The following GRAMD1B variants were observed in gnomAD, a reference collection of about 807,000 sequenced individuals.
GRAMD1B encodes GRAM domain containing 1B, also known as protein Aster-B.
A neutral mutation model predicts 99.7 loss-of-function variants in GRAMD1B; 37 were observed. That is an observed-to-expected ratio of 0.37 (90% CI 0.29 to 0.49). GRAMD1B has a LOEUF of 0.49. Among genes scored for constraint, GRAMD1B ranks in the 20% least tolerant of loss-of-function variants. The pLI is 0.98. For synonymous variants in GRAMD1B, 427 were observed against 387.6 expected, an observed-to-expected ratio of 1.10 and a Z score of -1.19; for missense variants, 888 against 1,009.2, an observed-to-expected ratio of 0.88 and a Z score of 1.63.
chr11:123,577,537 G>T lies in GRAMD1B; in HGVS notation c.623G>T (p.Cys208Phe). 1 of 1,597,528 alleles carries T rather than the reference G, an allele frequency of 6.3e-7. No individual in the cohort carries two copies. Among genetic ancestry groups the T allele is most frequent in the Non-Finnish European group, 8.5e-7 (1 of 1,172,548 alleles). Residue 208 changes from cysteine to phenylalanine, a missense_variant, in exon 3 of 20, where the codon TGC becomes TTC. This residue lies in a region of GRAMD1B where 233 missense variants were observed against 154.6 expected (regional missense o/e 1.51). Transcript: ENST00000635736. The part of the protein sequence containing the change: ...STPEQGVQRS[C>F]SSQSGRSGGK... ...CCGGAGCAGGGCGTGCAGCGCAGCT[G>T]CTCCTCCCAGTCCGGCCGGAGCGGC...
intron 1 of GRAMD1B, among the ~76,000 whole-genome samples, chr11:123,469,051 C>T (rs12787189): frequency 0.11 from 16,023 of 151,720 alleles, 906 homozygotes; most frequent in Non-Finnish European, 0.12. Flanking sequence ...CTCAGGCAGT[C>T]CAAAGCTGGG....
Position 123,488,957 on chromosome 11 carries a change from G to A in GRAMD1B, c.452+8064G>A, listed in dbSNP as rs114697285. Among the ~76,000 whole-genome samples the A allele has an allele frequency of 2.0e-4, 30 of 152,070 alleles. No homozygotes were observed. The Middle Eastern group carries it at 0.01, about 52-fold the overall frequency. On this transcript the variant is annotated intron_variant, in intron 2 of 19. Coordinates refer to ENST00000635736, the MANE Select transcript of GRAMD1B (RefSeq NM_001387025.1). ...GGGGGGGCGGTCCTTACCTCTCTGC[G>A]TACCCCCTTAAGGTTGACCCCTTAG...
intron 1 of GRAMD1B, among the ~76,000 whole-genome samples, chr11:123,474,130 A>C (rs554322891): frequency 6.6e-6 from 1 of 152,314 alleles, no homozygotes; most frequent in South Asian, 2.1e-4. Context: ...CACTAACTGA[A>C]TACTCAGTGT....
chr11:123,514,715 G>C (rs1364321912), intron 2 of GRAMD1B, among the ~76,000 whole-genome samples: 1 of 152,208 alleles, frequency 6.6e-6, no homozygotes, highest in Non-Finnish European at 1.5e-5. Flanking sequence ...CATAGACACT[G>C]CGAACAGCTG....
intron 2 of GRAMD1B, among the ~76,000 whole-genome samples, chr11:123,565,563 A>T (rs1195692978): frequency 6.6e-6 from 1 of 152,242 alleles, no homozygotes; most frequent in Non-Finnish European, 1.5e-5. Context: ...GTTTGGACAG[A>T]TAATGATCGC....
At chr11:123,622,403 G>A (rs1288935455) in intron 19 of GRAMD1B, 103 bp from the exon 20 acceptor site, 2 of 704,860 alleles carry the variant, frequency 2.8e-6, no homozygotes, top group Middle Eastern at 2.4e-4. Context: ...CCCATGGCGT[G>A]GTTGGAGGCC....
At chr11:123,598,589 G>T in intron 7 of GRAMD1B, 1 of 1,542,502 alleles carries the variant, frequency 6.5e-7, no homozygotes, top group Non-Finnish European at 8.9e-7. Context: ...ACTTTCCTTT[G>T]GTGCTGAATA....
chr11:123,579,308 A>G (rs1330903696), intron 3 of GRAMD1B, among the ~76,000 whole-genome samples: 1 of 152,212 alleles, frequency 6.6e-6, no homozygotes. Flanking sequence ...AATAGTCCCA[A>G]GTCTCTCCGT....
chr11:123,578,297 TG>T (rs1948956812), intron 3 of GRAMD1B: 1 of 872,308 alleles, frequency 1.1e-6, no homozygotes, highest in Non-Finnish European at 1.8e-6. Flanking sequence ...TGGGGACCCC[TG>T]GGAGGCATGG....
chr11:123,547,757 C>T (rs1206856843), intron 2 of GRAMD1B, among the ~76,000 whole-genome samples: 4 of 152,172 alleles, frequency 2.6e-5, no homozygotes, highest in Non-Finnish European at 5.9e-5. Flanking sequence ...GAACAATAGG[C>T]CTTGCCGAGT....
rs1948524961 is a variant in GRAMD1B, at chr11:123,423,335, C to G, written c.-175-57481C>G. Reference sequence around the variant, plus strand: ...CTCTCCTCTCCTTTCTTCTCCCCTCCACTCCCCTCCTCTCTCCTCTTCTCT... The same window carrying G: ...CTCTCCTCTCCTTTCTTCTCCCCTCGACTCCCCTCCTCTCTCCTCTTCTCT... On this transcript the variant is annotated intron_variant, in intron 1 of 20. Transcript: ENST00000638157. 2.6e-5 allele frequency among the ~76,000 whole-genome samples: 4 copies of G among 151,944 alleles called. No individual in the cohort carries two copies. In the South Asian group the frequency reaches 8.3e-4, roughly 32 times the overall value.
intron 2 of GRAMD1B, among the ~76,000 whole-genome samples, chr11:123,490,905 G>T (rs2135018451): frequency 6.6e-6 from 1 of 152,318 alleles, no homozygotes; most frequent in Middle Eastern, 3.4e-3. Context: ...GCGGCAGCAG[G>T]ATCTGTTTTC....
At chr11:123,532,937 A>C (rs142829846) in intron 2 of GRAMD1B, among the ~76,000 whole-genome samples, 2 of 152,314 alleles carry the variant, frequency 1.3e-5, no homozygotes, top group African/African-American at 4.8e-5. Context: ...CCTCTAGTTT[A>C]AGCAAATAGA....
At chr11:123,614,628 A>T (rs1270094314) in intron 16 of GRAMD1B, 117 bp from the exon 17 acceptor site, 1 of 608,186 alleles carries the variant, frequency 1.6e-6, no homozygotes, top group African/African-American at 1.8e-5. Flanking sequence ...TTGCTGTCAC[A>T]GTGTCATGGA....
chr11:123,468,299 A>G (rs1398602969), intron 1 of GRAMD1B, among the ~76,000 whole-genome samples: 1 of 150,720 alleles, frequency 6.6e-6, no homozygotes, highest in African/African-American at 2.5e-5. Context: ...GACTTTTACA[A>G]ATACATCAAG....
intron 7 of GRAMD1B, among the ~76,000 whole-genome samples, chr11:123,596,844 T>C (rs1226121318): frequency 6.6e-6 from 1 of 152,220 alleles, no homozygotes; most frequent in African/African-American, 2.4e-5. Flanking sequence ...ACTGTGCTTA[T>C]AAGGCAGATC....
intron 1 of GRAMD1B, among the ~76,000 whole-genome samples, chr11:123,374,091 T>C (rs7949966): frequency 0.15 from 22,917 of 152,194 alleles, 3,208 homozygotes; most frequent in African/African-American, 0.37. Context: ...GTTTGATTAT[T>C]TTCCTGGTCT....
chr11:123,569,059 C>T (rs558395839), intron 2 of GRAMD1B, among the ~76,000 whole-genome samples: 3 of 152,254 alleles, frequency 2.0e-5, no homozygotes, highest in Non-Finnish European at 2.9e-5. Flanking sequence ...TGAGTCTGAG[C>T]TGTGAAGGGG....
At chr11:123,586,699 C>T (rs1037024525) in intron 4 of GRAMD1B, among the ~76,000 whole-genome samples, 8 of 152,230 alleles carry the variant, frequency 5.3e-5, no homozygotes, top group African/African-American at 1.9e-4. Flanking sequence ...GGCCCTTGCC[C>T]TGCCCCTGCT....
Sources: gnomAD v4.1 joint callset for allele counts (sites outside exome capture counted in the v4.1 genomes callset) on GRCh38, gnomAD v4.1.1 for gene constraint, gnomAD v4.1.1 regional missense constraint, MANE v1.5 for transcripts, NCBI Gene and HGNC (gene_info 2026-07-23, HGNC 2026-07-21) for gene names.